RBPJ: variants seen among roughly 807,000 people sequenced by gnomAD.
The protein encoded by RBPJ is recombination signal binding protein for immunoglobulin kappa J region.
Under a neutral mutation model 67.8 loss-of-function variants are expected in RBPJ, and 9 were observed. That is an observed-to-expected ratio of 0.13 (90% CI 0.08 to 0.23). The LOEUF is 0.23. RBPJ is among the 10% of genes least tolerant of loss of function. The pLI is 1.00. For synonymous variants in RBPJ, 198 were observed against 203.3 expected, an observed-to-expected ratio of 0.97 and a Z score of 0.22; for missense variants, 305 against 595.6, an observed-to-expected ratio of 0.51 and a Z score of 5.08.
chr4:26,183,826 C>T (rs1003595034), intron 1 of RBPJ, among the ~76,000 whole-genome samples: 2 of 152,122 alleles, frequency 1.3e-5, no homozygotes, highest in African/African-American at 4.8e-5. Context: ...GCCTGGCCAA[C>T]ATGGTGAAAT....
intron 1 of RBPJ, among the ~76,000 whole-genome samples, chr4:26,337,055 G>A (rs1408565537): frequency 6.6e-6 from 1 of 152,010 alleles, no homozygotes; most frequent in Admixed American, 6.6e-5. Flanking sequence ...TCCGTCTCCC[G>A]GGTTCAAGCG....
chr4:26,198,457 G>A (rs1223844386), intron 1 of RBPJ, among the ~76,000 whole-genome samples: 1 of 152,000 alleles, frequency 6.6e-6, no homozygotes, highest in African/African-American at 2.4e-5. Flanking sequence ...ATTATAGGTA[G>A]CACTTATTTT....
chr4:26,280,723 T>C (rs1040466106), intron 1 of RBPJ, among the ~76,000 whole-genome samples: 1 of 152,336 alleles, frequency 6.6e-6, no homozygotes, highest in Non-Finnish European at 1.5e-5. Context: ...TTTTATGTTA[T>C]AAATATTTTA....
chr4:26,250,883 T>A (rs1476568539), intron 1 of RBPJ, among the ~76,000 whole-genome samples: 2 of 152,222 alleles, frequency 1.3e-5, no homozygotes, highest in Non-Finnish European at 2.9e-5. Context: ...AGCCAATTGC[T>A]TTGTATTCCA....
intron 1 of RBPJ, among the ~76,000 whole-genome samples, chr4:26,202,118 A>C (rs1241109602): frequency 6.6e-6 from 1 of 152,114 alleles, no homozygotes; most frequent in Non-Finnish European, 1.5e-5. Flanking sequence ...TAAAGTTGGC[A>C]TATCCCAGGC....
At chr4:26,143,580 G>T in the RBPJ span, among the ~76,000 whole-genome samples, 46 of 152,322 alleles carry the variant, frequency 3.0e-4, no homozygotes, top group African/African-American at 1.1e-3. Context: ...TGTTATTTTT[G>T]TAAGCCACTA....
intron 2 of RBPJ, among the ~76,000 whole-genome samples, chr4:26,400,716 T>C (rs1049716030): frequency 1.3e-5 from 2 of 152,234 alleles, no homozygotes; most frequent in African/African-American, 4.8e-5. Flanking sequence ...CATGATTACC[T>C]TGAGGCTCTA....
At chr4:26,305,972 G>T (rs528620306) in intron 1 of RBPJ, among the ~76,000 whole-genome samples, 1 of 151,378 alleles carries the variant, frequency 6.6e-6, no homozygotes, top group African/African-American at 2.4e-5. Context: ...TTTTAGTACA[G>T]ATGGGGTTTC....
At chr4:26,284,951 G>A (rs1217579753) in intron 1 of RBPJ, among the ~76,000 whole-genome samples, 10 of 151,898 alleles carry the variant, frequency 6.6e-5, no homozygotes, top group Admixed American at 4.6e-4. Flanking sequence ...CCACCTCCCG[G>A]GTTCAAGTGA....
chr4:26,353,379 A>G (rs1365802794), intron 1 of RBPJ, among the ~76,000 whole-genome samples: 2 of 152,224 alleles, frequency 1.3e-5, no homozygotes, highest in Non-Finnish European at 2.9e-5. Flanking sequence ...TTTTGGGATC[A>G]GAGAGACCAG....
intron 1 of RBPJ, among the ~76,000 whole-genome samples, chr4:26,286,097 A>G (rs533941163): frequency 2.1e-5 from 2 of 97,320 alleles, no homozygotes; most frequent in South Asian, 3.2e-4. Flanking sequence ...GTGAAAGCTT[A>G]GGCTAAAAAT....
rs553871595 is a variant in RBPJ at position 26,329,818 on chromosome 4, C to T, written c.20+8770C>T. Among the ~76,000 whole-genome samples the T allele has an allele frequency of 5.3e-5, 8 of 151,520 alleles. No individual in the cohort carries two copies. In the South Asian group the frequency reaches 6.3e-4, roughly 12 times the overall value. ...CTGAGGCAGGAGAATGGCATGAACC[C>T]GGGAGGCGGAGCGTGCAGTGAGCCG... On this transcript the variant is annotated intron_variant, in intron 1 of 10. Transcript: ENST00000355476.
At chr4:26,179,756 G>A (rs1388970560) in intron 1 of RBPJ, among the ~76,000 whole-genome samples, 2 of 152,158 alleles carry the variant, frequency 1.3e-5, no homozygotes, top group East Asian at 3.9e-4. Flanking sequence ...AAAGCAGTTT[G>A]GTGATTTCTC....
chr4:26,205,782 AG>A (rs917087433), intron 1 of RBPJ, among the ~76,000 whole-genome samples: 18 of 152,022 alleles, frequency 1.2e-4, no homozygotes, highest in African/African-American at 4.1e-4. Context: ...TAGTAGAGAC[AG>A]GGTTTCACCA....
intron 1 of RBPJ, among the ~76,000 whole-genome samples, chr4:26,309,954 C>T (rs534371707): frequency 6.6e-6 from 1 of 152,280 alleles, no homozygotes; most frequent in Non-Finnish European, 1.5e-5. Flanking sequence ...ACCAAATGTG[C>T]ATTTGATTCC....
chr4:26,235,125 C>CA (rs911231224), intron 1 of RBPJ, among the ~76,000 whole-genome samples: 14 of 150,346 alleles, frequency 9.3e-5, no homozygotes, highest in East Asian at 1.9e-4. Context: ...AGTAAGTGTT[C>CA]AAAAAAAAAC....
chr4:26,280,499 G>A (rs1239155416), intron 1 of RBPJ, among the ~76,000 whole-genome samples: 4 of 151,752 alleles, frequency 2.6e-5, no homozygotes, highest in African/African-American at 9.7e-5. Context: ...AACTTAAGGA[G>A]ACCATACTTT....
upstream of RBPJ, among the ~76,000 whole-genome samples, chr4:26,317,616 T>TA (rs1288810778): frequency 6.6e-6 from 1 of 152,136 alleles, no homozygotes; most frequent in Non-Finnish European, 1.5e-5. Context: ...GGAACTTCCT[T>TA]AAACCAGGTG....
chr4:26,140,832 C>CATAA, the RBPJ span, among the ~76,000 whole-genome samples: 9 of 40,642 alleles, frequency 2.2e-4, no homozygotes, highest in African/African-American at 7.3e-4. Context: ...CTGACCCTTC[C>CATAA]ACAAATAAAT....
Sources: gnomAD v4.1 joint callset for allele counts (sites outside exome capture counted in the v4.1 genomes callset) on GRCh38, gnomAD v4.1.1 for gene constraint, MANE v1.5 for transcripts, NCBI Gene and HGNC (gene_info 2026-07-23, HGNC 2026-07-21) for gene names.